Variants in ERICH6 observed in about 807,000 individuals in gnomAD.
ERICH6 encodes the protein glutamate rich 6, also known as glutamate-rich protein 6.
A neutral mutation model predicts 71.0 loss-of-function variants in ERICH6; 71 were observed. The ratio of observed to expected loss-of-function variants is 1.00; its 90% CI spans 0.83 to 1.22. The LOEUF is 1.22. ERICH6 is among the 50% of genes most tolerant of loss of function. The pLI, the probability that ERICH6 is intolerant of heterozygous loss-of-function variation, is 0.00. For synonymous variants in ERICH6, 262 were observed against 278.4 expected, an observed-to-expected ratio of 0.94 and a Z score of 0.59; for missense variants, 808 against 797.2, an observed-to-expected ratio of 1.01 and a Z score of -0.16.
intron 3 of ERICH6, among the ~76,000 whole-genome samples, chr3:150,693,236 G>A (rs1712521186): frequency 6.6e-6 from 1 of 152,160 alleles, no homozygotes; most frequent in Non-Finnish European, 1.5e-5. Context: ...AGTGCAATAA[G>A]AATCTGTTTT....
At chr3:150,690,533 T>C (rs1712395109) in intron 3 of ERICH6, among the ~76,000 whole-genome samples, 1 of 152,184 alleles carries the variant, frequency 6.6e-6, no homozygotes, top group Non-Finnish European at 1.5e-5. Context: ...TCTAATTAAT[T>C]GGCTTAAAGA....
chr3:150,663,700 A>G (rs1205540660), intron 13 of ERICH6, among the ~76,000 whole-genome samples: 1 of 151,776 alleles, frequency 6.6e-6, no homozygotes, highest in East Asian at 1.9e-4. Flanking sequence ...CTGGTCTCAC[A>G]CTCCTGGGCT....
intron 3 of ERICH6, among the ~76,000 whole-genome samples, chr3:150,692,459 T>C (rs1712490717): frequency 6.6e-6 from 1 of 152,188 alleles, no homozygotes; most frequent in African/African-American, 2.4e-5. Flanking sequence ...TTATAAATTA[T>C]GTCTTTTCCT....
At chr3:150,678,825 G>A (rs1489859977) in intron 9 of ERICH6, among the ~76,000 whole-genome samples, 1 of 151,904 alleles carries the variant, frequency 6.6e-6, no homozygotes, top group Admixed American at 6.6e-5. Context: ...TGGATTACTT[G>A]AGGTCAGGAG....
chr3:150,703,779 C>T lies in ERICH6; in HGVS notation c.120G>A (p.Glu40=), dbSNP rs1713055712. Residue 40 remains glutamate (E), a synonymous_variant, in exon 1 of 14, where the codon GAG becomes GAA. Transcript: ENST00000295910. Reference sequence around the variant, plus strand: ...CCACCTCTTCCTCCTCCTCCTCCACCTCTTCCTCCTCCTCCTCCACCTCTT... The same window carrying T: ...CCACCTCTTCCTCCTCCTCCTCCACTTCTTCCTCCTCCTCCTCCACCTCTT... ...EEEEVEEEEE[E]VEEEEEEVEE... is the part of the protein sequence containing the mutation. 13 of 1,600,156 alleles carry T rather than the reference C, an allele frequency of 8.1e-6. No homozygotes were observed. The highest frequency in any genetic ancestry group is 1.1e-5 in the Non-Finnish European group (13 of 1,174,056).
chr3:150,663,631 T>C (rs984020271), intron 13 of ERICH6, among the ~76,000 whole-genome samples: 1 of 152,040 alleles, frequency 6.6e-6, no homozygotes, highest in Non-Finnish European at 1.5e-5. Flanking sequence ...TGCGCCACCA[T>C]GTCTGGAGAA....
chr3:150,680,827 G>A lies in ERICH6; in HGVS notation c.986C>T (p.Ala329Val), dbSNP rs764314530. 12 of 1,614,016 alleles carry A rather than the reference G, an allele frequency of 7.4e-6. No homozygotes were observed. The East Asian group carries it at 2.7e-4, about 36-fold the overall frequency. Residue 329 changes from alanine (A) to valine (V), a missense_variant, in exon 8 of 14, where the codon GCA (alanine) becomes GTA (valine). Physicochemically the swap from Ala to Val is moderately conservative, Grantham distance 64. Coordinates refer to ENST00000295910, the MANE Select transcript of ERICH6 (RefSeq NM_152394.5). ...TCTGTCGACCTCACTACCATGGGCT[G>A]CATGAGGGTCAATAGCAATTAATTC... ...KAELIAIDPH[A>V]AHGSEVDRLK... is the part of the protein sequence containing the mutation.
chr3:150,698,972 T>C (rs1712758106), intron 2 of ERICH6, 90 bp from the exon 3 acceptor site: 2 of 746,324 alleles, frequency 2.7e-6, no homozygotes, highest in Non-Finnish European at 4.5e-6. Flanking sequence ...AATTAATTAA[T>C]GCACGTAGAA....
chr3:150,703,631 C>T lies in ERICH6; in HGVS notation c.268G>A (p.Asp90Asn). The T allele has an allele frequency of 6.2e-7, 1 of 1,614,052 alleles. No homozygotes were observed. The highest frequency in any genetic ancestry group is 8.5e-7 in the Non-Finnish European group (1 of 1,180,006). The change falls in exon 1 of 14, where the codon GAC becomes AAC. Residue 90 changes from aspartate (D) to asparagine (N), a missense_variant. Transcript: ENST00000295910. ...KVTDIGDYDDDFPDVRPRLAS... is the reference protein window; with the variant it reads ...KVTDIGDYDDNFPDVRPRLAS... ...AAGCGGGGGCGCACGTCTGGGAAGT[C>T]GTCGTCGTAGTCACCGATGTCCGTG...
chr3:150,680,744 G>C, intron 8 of ERICH6, 29 bp downstream of exon 8: 1 of 1,584,144 alleles, frequency 6.3e-7, no homozygotes, highest in Non-Finnish European at 8.6e-7. Flanking sequence ...CGGCCTGTAT[G>C]AGTTTCAGTA....
intron 7 of ERICH6, among the ~76,000 whole-genome samples, chr3:150,681,461 G>T (rs1711933236): frequency 6.6e-6 from 1 of 152,126 alleles, no homozygotes; most frequent in African/African-American, 2.4e-5. Context: ...TGGACAGTCG[G>T]GTTGTTTCTA....
chr3:150,675,267 T>A (rs114452919), intron 10 of ERICH6, among the ~76,000 whole-genome samples: 3,283 of 152,342 alleles, frequency 0.022, 127 homozygotes, highest in African/African-American at 0.075. Flanking sequence ...TAATGCTATA[T>A]CTTACTGGTG....
intron 3 of ERICH6, among the ~76,000 whole-genome samples, chr3:150,687,043 C>G (rs991861112): frequency 6.6e-6 from 1 of 152,180 alleles, no homozygotes; most frequent in African/African-American, 2.4e-5. Flanking sequence ...TGCTGACAGG[C>G]ACCTGTAGAA....
chr3:150,679,424 G>A (rs200501086), intron 9 of ERICH6, among the ~76,000 whole-genome samples: 59 of 151,788 alleles, frequency 3.9e-4, no homozygotes, highest in Non-Finnish European at 7.2e-4. Context: ...ATGCTTTTGC[G>A]TCCTCATAGC....
chr3:150,680,661 C>A, intron 8 of ERICH6, 112 bp downstream of exon 8: 1 of 1,552,088 alleles, frequency 6.4e-7, no homozygotes, highest in South Asian at 1.2e-5. Flanking sequence ...ACTTGTGAAT[C>A]TAGGAAATAC....
At chr3:150,665,364 A>G (rs1364929210) in intron 13 of ERICH6, among the ~76,000 whole-genome samples, 2 of 151,988 alleles carry the variant, frequency 1.3e-5, no homozygotes, top group Non-Finnish European at 1.5e-5. Context: ...TTAAAAATCA[A>G]TGAAACAGGC....
intron 6 of ERICH6, among the ~76,000 whole-genome samples, chr3:150,684,277 C>T (rs1187665364): frequency 1.3e-5 from 2 of 151,906 alleles, no homozygotes; most frequent in East Asian, 3.9e-4. Flanking sequence ...GTTGAGTGAC[C>T]GTAAAGTTTA....
chr3:150,672,774 C>T (rs1189783403), intron 11 of ERICH6, among the ~76,000 whole-genome samples: 1 of 151,776 alleles, frequency 6.6e-6, no homozygotes, highest in Non-Finnish European at 1.5e-5. Context: ...CCTGTAATCT[C>T]AGCCATTTGG....
chr3:150,669,281 A>G lies in ERICH6; in HGVS notation c.1499+15T>C. ...AAAGCCACAAAATGGCAGCAGCAGG[A>G]ACCTAGAAGCTTACCAGACATTTCC... On this transcript the variant is annotated intron_variant, in intron 12 of 13. Coordinates refer to ENST00000295910, the MANE Select transcript of ERICH6 (RefSeq NM_152394.5). 1 of 1,565,144 alleles carries G rather than the reference A, an allele frequency of 6.4e-7. No homozygotes were observed. The highest frequency in any genetic ancestry group is 8.6e-7 in the Non-Finnish European group (1 of 1,159,582).
Sources: allele counts gnomAD v4.1 joint callset (sites outside exome capture counted in the v4.1 genomes callset), GRCh38; gene constraint gnomAD v4.1.1; transcripts MANE v1.5; gene names NCBI Gene and HGNC (gene_info 2026-07-23, HGNC 2026-07-21).